The following PABPN1L variants were observed in gnomAD, a reference collection of about 807,000 sequenced individuals.
PABPN1L encodes embryonic polyadenylate-binding protein 2.
PABPN1L carries 45 observed loss-of-function variants against 34.0 expected under a neutral mutation model. The ratio of observed to expected loss-of-function variants is 1.32; its 90% CI spans 1.04 to 1.70. The LOEUF (loss-of-function observed/expected upper bound fraction) is 1.70. Ranked by LOEUF, PABPN1L falls within the 40% of genes most tolerant of loss-of-function variation. The pLI, the probability that PABPN1L is intolerant of heterozygous loss-of-function variation, is 0.00. For missense variants in PABPN1L, 459 were observed against 367.8 expected, an observed-to-expected ratio of 1.25 and a Z score of -2.03; for synonymous variants, 182 against 152.1, an observed-to-expected ratio of 1.20 and a Z score of -1.45.
intron 5 of PABPN1L, 74 bp downstream of exon 5, chr16:88,864,779 C>T: frequency 6.9e-7 from 1 of 1,441,760 alleles, no homozygotes; most frequent in East Asian, 2.5e-5. Context: ...CCAGCTGGGG[C>T]TGCTGTGTGT....
At chr16:88,868,152 C>T (rs1237293194), upstream of PABPN1L, among the ~76,000 whole-genome samples, 2 of 152,188 alleles carry the variant, frequency 1.3e-5, no homozygotes, top group Non-Finnish European at 1.5e-5. Context: ...AACCCAGGCT[C>T]CTGCACCCAG....
chr16:88,866,218 C>T (rs113262008), intron 1 of PABPN1L, 134 bp downstream of exon 1: 20 of 1,382,434 alleles, frequency 1.4e-5, no homozygotes, highest in African/African-American at 8.7e-5. Context: ...TTGCCACCTT[C>T]GTCCAGGCAG....
exon 1 of PABPN1L, chr16:88,866,616 G>A (rs1294384631): frequency 2.6e-6 from 4 of 1,528,996 alleles, no homozygotes; most frequent in East Asian, 4.9e-5. Context: ...TGGTAGAGGG[G>A]CAGGAGGAAG....
exon 7 of PABPN1L, chr16:88,863,475 C>T (rs962384745): frequency 3.6e-6 from 2 of 561,790 alleles, no homozygotes; most frequent in Admixed American, 3.1e-5. Context: ...CTCTGCTCCT[C>T]CCCTCCCTCA....
chr16:88,863,625 G>A, exon 7 of PABPN1L: 1 of 1,199,210 alleles, frequency 8.3e-7, no homozygotes, highest in East Asian at 2.5e-5. Context: ...GAGGGGGCCA[G>A]TGGCTGCTCT....
chr16:88,863,712 C>T (rs1567562985), exon 7 of PABPN1L: 3 of 1,533,894 alleles, frequency 2.0e-6, no homozygotes, highest in East Asian at 2.4e-5. Context: ...GTGGTTTACT[C>T]CTGATCCAGG....
In PABPN1L at chr16:88,865,857, C is replaced by T. The variant is rs1428455188; in HGVS notation, c.340G>A (p.Glu114Lys). 1.2e-5 allele frequency: 20 copies of T among 1,609,814 alleles called. No individual in the cohort carries two copies. The highest frequency in any genetic ancestry group is 3.3e-5 in the Admixed American group (2 of 59,802). The change falls in exon 2 of 7, where the codon GAG becomes AAG. Residue 114 changes from glutamate (E) to lysine (K), a missense_variant. Coordinates refer to ENST00000419291, the Ensembl canonical transcript of PABPN1L. ...CCGGCCGCGGTGCCCTCCTCTTCCT[C>T]GGCCTGTTGCTGCACTCCTGGAGGC...
chr16:88,866,636 G>A, upstream of PABPN1L: 1 of 1,509,444 alleles, frequency 6.6e-7, no homozygotes, highest in Admixed American at 2.1e-5. Context: ...GGTGGGCCAG[G>A]CGAGGCCTCC....
chr16:88,864,308 G>T (rs1178277827), exon 6 of PABPN1L: 5 of 1,555,798 alleles, frequency 3.2e-6, no homozygotes, highest in Non-Finnish European at 4.3e-6. Flanking sequence ...CCCCCCTGGA[G>T]CCTGGGTGTC....
intron 3 of PABPN1L, 104 bp downstream of exon 3, chr16:88,865,459 C>G: frequency 1.4e-6 from 2 of 1,431,982 alleles, no homozygotes; most frequent in Non-Finnish European, 1.9e-6. Flanking sequence ...CAGGGTCAGA[C>G]CCCCTTCCCA....
intron 2 of PABPN1L, 68 bp from the exon 3 acceptor site, chr16:88,865,698 G>A (rs1201055765): frequency 9.6e-6 from 15 of 1,554,452 alleles, no homozygotes; most frequent in African/African-American, 5.5e-5. Flanking sequence ...GGGGAAGGTC[G>A]CCCAGGCTTA....
intron 6 of PABPN1L, 84 bp from the exon 7 acceptor site, chr16:88,863,879 G>A: frequency 7.3e-7 from 1 of 1,362,746 alleles, no homozygotes; most frequent in Non-Finnish European, 1.0e-6. Context: ...AACAGGATAA[G>A]GATGCAGGGA....
At chr16:88,866,053 T>C in intron 1 of PABPN1L, 112 bp from the exon 2 acceptor site, 1 of 1,423,322 alleles carries the variant, frequency 7.0e-7, no homozygotes, top group Admixed American at 2.6e-5. Context: ...GGGGCAGCCC[T>C]TCTCTGGACA....
intron 1 of PABPN1L, among the ~76,000 whole-genome samples, 197 bp downstream of exon 1, chr16:88,866,155 G>C (rs28418708): frequency 0.12 from 18,875 of 152,248 alleles, 2,918 homozygotes; most frequent in African/African-American, 0.37. Context: ...TTCCCCAGGC[G>C]AGAGAGGCCA....
chr16:88,866,668 C>T, upstream of PABPN1L: 1 of 1,465,666 alleles, frequency 6.8e-7, no homozygotes, highest in South Asian at 1.4e-5. Context: ...CTCGCGTCCG[C>T]ACCTGCCCAG....
intron 6 of PABPN1L, among the ~76,000 whole-genome samples, 165 bp from the exon 7 acceptor site, chr16:88,863,960 C>A (rs1042486390): frequency 1.3e-5 from 2 of 152,172 alleles, no homozygotes; most frequent in Non-Finnish European, 2.9e-5. Context: ...TTGGGAGGGT[C>A]CCACGAAAAG....
chr16:88,867,962 T>G (rs1968634713), upstream of PABPN1L, among the ~76,000 whole-genome samples: 1 of 152,142 alleles, frequency 6.6e-6, no homozygotes, highest in African/African-American at 2.4e-5. Flanking sequence ...CACCCCGGTG[T>G]TTAGCCAGTG....
Position 88,864,857 on chromosome 16 carries a change from A to G in PABPN1L, c.650T>C (p.Ile217Thr), listed in dbSNP as rs554811854. 5 of 1,601,858 alleles carry G rather than the reference A, an allele frequency of 3.1e-6. No individual in the cohort carries two copies. In the Admixed American group the frequency reaches 6.8e-5, roughly 22 times the overall value. ...ACCTGGGGAGCACCGGCGCACCTTG[A>G]TGACCCGGCCCCGGAAGAGGCTCTG... The change falls in exon 5 of 7, where the codon ATC (isoleucine) becomes ACC (threonine). Residue 217 changes from isoleucine (I) to threonine (T), a missense_variant. Ile to Thr is a moderately conservative substitution (Grantham distance 89). Coordinates refer to ENST00000419291, the Ensembl canonical transcript of PABPN1L.
chr16:88,864,752 C>T (rs1002138007), intron 5 of PABPN1L, 101 bp downstream of exon 5: 28 of 1,280,662 alleles, frequency 2.2e-5, no homozygotes, highest in South Asian at 1.2e-4. Flanking sequence ...GCCTGAGACA[C>T]GCTGTGCAGA....
Sources: gnomAD v4.1 joint callset for allele counts (sites outside exome capture counted in the v4.1 genomes callset) on GRCh38, gnomAD v4.1.1 for gene constraint, MANE v1.5 for transcripts, NCBI Gene and HGNC (gene_info 2026-07-23, HGNC 2026-07-21) for gene names.